The following ALDH1A2 variants were observed in gnomAD, a reference collection of about 807,000 sequenced individuals.
ALDH1A2 encodes the protein aldehyde dehydrogenase 1 family member A2.
ALDH1A2 carries 27 observed loss-of-function variants against 60.3 expected under a neutral mutation model. The observed-to-expected ratio is 0.45, with a 90% CI of 0.33 to 0.62. ALDH1A2 has a LOEUF of 0.62. ALDH1A2 is among the 20% of genes least tolerant of loss of function. The probability of loss-of-function intolerance (pLI) is 0.02; values close to 1 mark genes in which losing one functional copy is unlikely to be tolerated. For missense variants in ALDH1A2, 581 were observed against 643.8 expected, an observed-to-expected ratio of 0.90 and a Z score of 1.06; for synonymous variants, 289 against 232.4, an observed-to-expected ratio of 1.24 and a Z score of -2.21.
intron 7 of ALDH1A2, among the ~76,000 whole-genome samples, chr15:57,991,113 A>G (rs1894882192): frequency 6.6e-6 from 1 of 152,184 alleles, no homozygotes; most frequent in Non-Finnish European, 1.5e-5. Context: ...CTTAAAGTGA[A>G]GTAAGGACTT....
intron 7 of ALDH1A2, among the ~76,000 whole-genome samples, chr15:57,984,317 T>A (rs1443545568): frequency 2.0e-5 from 3 of 152,132 alleles, no homozygotes; most frequent in Non-Finnish European, 4.4e-5. Flanking sequence ...GCTATTAATA[T>A]CCAAAATGTA....
chr15:57,970,973 G>A (rs769245529), intron 7 of ALDH1A2, among the ~76,000 whole-genome samples: 1 of 152,148 alleles, frequency 6.6e-6, no homozygotes, highest in African/African-American at 2.4e-5. Flanking sequence ...AAATTAATCT[G>A]TCCAGATTTG....
In ALDH1A2 at chr15:58,065,555, A is replaced by C; in HGVS notation, c.96T>G (p.Asn32Lys). 1 of 1,613,508 alleles carries C rather than the reference A, an allele frequency of 6.2e-7. No homozygotes were observed. The change falls in exon 1 of 13, where the codon AAT becomes AAG. Residue 32 changes from asparagine (N) to lysine (K), a missense_variant. Coordinates refer to ENST00000249750, the MANE Select transcript of ALDH1A2 (RefSeq NM_003888.4). The part of the protein sequence containing the change: ...SLHLLPSPTP[N>K]LEIKYTKIFI... ...TTACCTTGGTGTACTTAATTTCGAG[A>C]TTGGGCGTGGGCGACGGCAGGAGGT...
At chr15:58,045,234 T>C (rs1896608210) in intron 1 of ALDH1A2, among the ~76,000 whole-genome samples, 1 of 151,912 alleles carries the variant, frequency 6.6e-6, no homozygotes, top group Admixed American at 6.6e-5. Flanking sequence ...CATTAAAAAG[T>C]CAGGAAACAA....
intron 12 of ALDH1A2, among the ~76,000 whole-genome samples, chr15:57,959,744 T>A (rs1332069884): frequency 2.0e-5 from 3 of 152,166 alleles, no homozygotes; most frequent in African/African-American, 7.2e-5. Context: ...GTGGCAGGAT[T>A]CAAATCCGAG....
chr15:58,062,440 G>C (rs1206667501), intron 1 of ALDH1A2, among the ~76,000 whole-genome samples: 3 of 152,184 alleles, frequency 2.0e-5, no homozygotes, highest in Non-Finnish European at 4.4e-5. Flanking sequence ...CTGCAGTCAG[G>C]GGCGGTCAGT....
At chr15:58,020,509 T>C (rs1895897283) in intron 1 of ALDH1A2, among the ~76,000 whole-genome samples, 1 of 152,060 alleles carries the variant, frequency 6.6e-6, no homozygotes, top group Non-Finnish European at 1.5e-5. Flanking sequence ...GGTAAAAACA[T>C]ATGTAATATA....
At chr15:58,010,290 C>G (rs148998806) in intron 4 of ALDH1A2, among the ~76,000 whole-genome samples, 1 of 152,122 alleles carries the variant, frequency 6.6e-6, no homozygotes, top group African/African-American at 2.4e-5. Context: ...GGGCAAGGAG[C>G]AAGTCTTAAC....
intron 7 of ALDH1A2, among the ~76,000 whole-genome samples, chr15:57,972,708 T>G (rs1894111855): frequency 6.6e-6 from 1 of 152,222 alleles, no homozygotes; most frequent in African/African-American, 2.4e-5. Context: ...ATGCTAATAG[T>G]TTAAAACCTA....
At chr15:58,003,922 T>C (rs2197093) in intron 4 of ALDH1A2, among the ~76,000 whole-genome samples, 132,795 of 151,852 alleles carry the variant, frequency 0.87, 59,632 homozygotes, top group East Asian at 1. Flanking sequence ...AATGGCTCCA[T>C]TGGGTACCAT....
At chr15:58,014,614 G>C (rs1895737389) in intron 1 of ALDH1A2, 1 of 453,654 alleles carries the variant, frequency 2.2e-6, no homozygotes, top group African/African-American at 2.0e-5. Context: ...GCTCTGGCTA[G>C]TATCCATGAG....
chr15:57,998,119 T>A (rs940074451), intron 4 of ALDH1A2, among the ~76,000 whole-genome samples: 4 of 152,022 alleles, frequency 2.6e-5, no homozygotes, highest in African/African-American at 9.7e-5. Flanking sequence ...GATGGAAGCA[T>A]TCCCCTTGAA....
At chr15:58,000,869 G>A (rs368415974) in intron 4 of ALDH1A2, among the ~76,000 whole-genome samples, 187 of 151,976 alleles carry the variant, frequency 1.2e-3, no homozygotes, top group African/African-American at 4.4e-3. Context: ...AAGATCAGGA[G>A]TGTAAAGGGG....
chr15:57,962,553 A>G (rs1893757692), intron 9 of ALDH1A2, among the ~76,000 whole-genome samples: 1 of 152,190 alleles, frequency 6.6e-6, no homozygotes, highest in Non-Finnish European at 1.5e-5. Flanking sequence ...TTGATAGTAA[A>G]AAGAGGCAAA....
intron 1 of ALDH1A2, among the ~76,000 whole-genome samples, chr15:58,059,792 G>A (rs1158031407): frequency 6.6e-6 from 1 of 152,220 alleles, no homozygotes; most frequent in Non-Finnish European, 1.5e-5. Context: ...TGGTAAAAAC[G>A]CAGTGTAAAT....
At chr15:57,986,373 A>G (rs1240369746) in intron 7 of ALDH1A2, among the ~76,000 whole-genome samples, 3 of 152,134 alleles carry the variant, frequency 2.0e-5, no homozygotes, top group African/African-American at 7.2e-5. Context: ...GAAGGATTTC[A>G]GCTTATTAAT....
intron 1 of ALDH1A2, among the ~76,000 whole-genome samples, chr15:58,055,614 G>A (rs1896876260): frequency 6.6e-6 from 1 of 151,964 alleles, no homozygotes; most frequent in African/African-American, 2.4e-5. Flanking sequence ...TTATATGTAA[G>A]TATATACACA....
At chr15:58,061,612 A>C (rs55968393) in intron 1 of ALDH1A2, among the ~76,000 whole-genome samples, 6,696 of 127,906 alleles carry the variant, frequency 0.052, 90 homozygotes, top group East Asian at 0.071. Flanking sequence ...AAAAAAAACA[A>C]AAAAAAAAAA....
intron 1 of ALDH1A2, among the ~76,000 whole-genome samples, chr15:58,045,542 C>A (rs1306683811): frequency 6.6e-6 from 1 of 152,082 alleles, no homozygotes; most frequent in South Asian, 2.1e-4. Context: ...GAAACATATA[C>A]ACCATGGAAT....
Sources: gnomAD v4.1 joint callset for allele counts (sites outside exome capture counted in the v4.1 genomes callset) on GRCh38, gnomAD v4.1.1 for gene constraint, MANE v1.5 for transcripts, NCBI Gene and HGNC (gene_info 2026-07-23, HGNC 2026-07-21) for gene names.